TRAPPC2B: variants seen among roughly 807,000 people sequenced by gnomAD.
TRAPPC2B encodes trafficking protein particle complex subunit 2B, also known as MBP-1 interacting protein-2A.
Under a neutral mutation model 8.4 loss-of-function variants are expected in TRAPPC2B, and 5 were observed. The observed-to-expected ratio is 0.59, with a 90% CI of 0.31 to 1.25. TRAPPC2B has a LOEUF of 1.25. TRAPPC2B is among the 50% of genes most tolerant of loss of function. The probability of loss-of-function intolerance (pLI) is 0.06; values close to 1 mark genes in which losing one functional copy is unlikely to be tolerated. For synonymous variants in TRAPPC2B, 46 were observed against 58.1 expected (o/e 0.79, Z 0.95); for missense variants, 161 against 173.2 (o/e 0.93, Z 0.40).
At chr19:57,364,004 T>C (rs1337284212) in intron 1 of TRAPPC2B, 2 of 152,268 alleles carry the variant, frequency 1.3e-5, no homozygotes, top group Non-Finnish European at 1.5e-5. Context: ...GCAGCCGGTA[T>C]AACCATGGAA....
rs1168221491 is a variant in TRAPPC2B at position 57,365,208 on chromosome 19, A to G, written c.375A>G (p.Ala125=). The change falls in exon 2 of 2, where the codon GCA becomes GCG. Residue 125 remains alanine, a synonymous_variant. Transcript: ENST00000543226. ...CCAATTCTCCTATTCGATCAAGTGC[A>G]TTTGACAGAAAAGTTCAGTTTCTTG... The part of the protein sequence containing the change: ...YEPNSPIRSS[A]FDRKVQFLGK... The G allele has an allele frequency of 1.9e-6, 3 of 1,587,480 alleles. No homozygotes were observed. The highest frequency in any genetic ancestry group is 2.3e-5 in the East Asian group (1 of 43,618).
Position 57,364,797 on chromosome 19 carries a change from G to T in TRAPPC2B, c.-19-18G>T, listed in dbSNP as rs1457591349. ...CGGAAACTGACATTGCGTTTCCGTT[G>T]TCGGCCTCCCGCTGCAGGAGCCATA... is the stretch of plus-strand genomic sequence containing the variant. On this transcript the variant is annotated intron_variant, in intron 1 of 1. Coordinates refer to ENST00000543226, the MANE Select transcript of TRAPPC2B (RefSeq NM_001355204.2). The T allele has an allele frequency of 6.5e-7, 1 of 1,535,672 alleles. No homozygotes were observed. The highest frequency in any genetic ancestry group is 1.2e-5 in the South Asian group (1 of 85,864).
At chr19:57,363,939 T>G (rs969211473) in intron 1 of TRAPPC2B, 1 of 152,444 alleles carries the variant, frequency 6.6e-6, no homozygotes, top group Admixed American at 6.5e-5. Context: ...GAGTGTGGGT[T>G]GTTTCTGCGG....
chr19:57,364,697 C>T (rs1291551889), intron 1 of TRAPPC2B, 118 bp from the exon 2 acceptor site: 30 of 724,786 alleles, frequency 4.1e-5, no homozygotes, highest in Admixed American at 1.4e-4. Context: ...GCCAAGATCG[C>T]GCCATTGCAC....
Position 57,364,932 on chromosome 19 carries a change from C to T in TRAPPC2B, c.99C>T (p.Asp33=). The T allele has an allele frequency of 6.2e-7, 1 of 1,612,946 alleles. No individual in the cohort carries two copies. The highest frequency in any genetic ancestry group is 8.5e-7 in the Non-Finnish European group (1 of 1,179,110). Residue 33 remains aspartate (D), a synonymous_variant, in exon 2 of 2, where the codon GAC becomes GAT. Transcript: ENST00000543226. The part of the protein sequence containing the change: ...LPAGKAESKD[D]HRHLNQFIAH... ...CTGGGAAGGCAGAATCCAAAGACGA[C>T]CATCGTCATCTGAACCAGTTCATAG...
At position 57,364,941 on chromosome 19, in the gene TRAPPC2B, T is replaced by G. The variant is rs1467636655; in HGVS notation, c.108T>G (p.His36Gln). ...CAGAATCCAAAGACGACCATCGTCA[T>G]CTGAACCAGTTCATAGCTCATGCTG... The part of the protein sequence containing the change: ...GKAESKDDHR[H>Q]LNQFIAHAAL... The change falls in exon 2 of 2, where the codon CAT becomes CAG. Residue 36 changes from histidine to glutamine, a missense_variant. By Grantham distance (24) the His-to-Gln change is conservative. Coordinates refer to ENST00000543226, the MANE Select transcript of TRAPPC2B (RefSeq NM_001355204.2). The G allele has an allele frequency of 9.3e-6, 15 of 1,613,138 alleles. No individual in the cohort carries two copies. The highest frequency in any genetic ancestry group is 9.3e-6 in the Non-Finnish European group (11 of 1,179,218).
intron 1 of TRAPPC2B, chr19:57,364,603 T>G: frequency 1.7e-6 from 1 of 577,754 alleles, no homozygotes; most frequent in Non-Finnish European, 3.1e-6. Flanking sequence ...TAGCCGGGGG[T>G]GGTGACGCGC....
chr19:57,364,250 A>AT (rs112859190), intron 1 of TRAPPC2B: 10,519 of 147,258 alleles, frequency 0.071, 624 homozygotes, highest in African/African-American at 0.17. Context: ...GTGAAGGGTC[A>AT]TTTTTTTTTT....
At chr19:57,364,603 T>C (rs2088449319) in intron 1 of TRAPPC2B, 5 of 577,640 alleles carry the variant, frequency 8.7e-6, no homozygotes, top group Middle Eastern at 9.0e-4. Flanking sequence ...TAGCCGGGGG[T>C]GGTGACGCGC....
chr19:57,364,312 G>A (rs1221959491), intron 1 of TRAPPC2B: 2 of 155,356 alleles, frequency 1.3e-5, no homozygotes, highest in African/African-American at 4.8e-5. Flanking sequence ...AGCATGAGAA[G>A]TAGGTTTCAT....
At position 57,365,292 on chromosome 19, in the gene TRAPPC2B, A is replaced by G. The variant is rs369482550; in HGVS notation, c.*36A>G. The G allele has an allele frequency of 1.4e-5, 19 of 1,349,652 alleles. No individual in the cohort carries two copies. Among genetic ancestry groups the G allele is most frequent in the African/African-American group, 1.3e-4 (9 of 69,296 alleles). The allele number at this position is 1,349,652 out of a possible 1,614,324, so 83.6% of individuals were successfully genotyped here. Reference sequence around the variant, plus strand: ...TTCCAAAATAAATTATATCACCACAATGGTGTATACTCAGGAATGTGTACA... The same window carrying G: ...TTCCAAAATAAATTATATCACCACAGTGGTGTATACTCAGGAATGTGTACA... On this transcript the variant is annotated 3_prime_UTR_variant, in exon 2 of 2. Coordinates refer to ENST00000543226, the MANE Select transcript of TRAPPC2B (RefSeq NM_001355204.2).
chr19:57,364,756 G>T, intron 1 of TRAPPC2B, 59 bp from the exon 2 acceptor site: 1 of 1,236,280 alleles, frequency 8.1e-7, no homozygotes, highest in Non-Finnish European at 1.1e-6. Context: ...AAGGTGCGGA[G>T]CGCGGGTCTC....
chr19:57,364,023 A>G (rs1320302725), intron 1 of TRAPPC2B: 1 of 152,300 alleles, frequency 6.6e-6, no homozygotes, highest in Non-Finnish European at 1.5e-5. Context: ...AAGGTTGTCA[A>G]GGGAAGACCA....
At position 57,364,997 on chromosome 19, in the gene TRAPPC2B, T is replaced by C. The variant is rs913848165; in HGVS notation, c.164T>C (p.Leu55Pro). The change falls in exon 2 of 2, where the codon CTG (leucine) becomes CCG (proline). Residue 55 changes from leucine (L) to proline (P), a missense_variant. Leu to Pro is a moderately conservative substitution (Grantham distance 98, BLOSUM62 -3). Transcript: ENST00000543226. ...GACCTCGTAGATGAGAACATGTGGC[T>C]GTCGAACAACATGTACTTGAAAACT... ...ALDLVDENMW[L>P]SNNMYLKTVD... 1.2e-6 allele frequency: 2 copies of C among 1,612,974 alleles called. No homozygotes were observed. Among genetic ancestry groups the C allele is most frequent in the Admixed American group, 3.3e-5 (2 of 59,968 alleles).
In TRAPPC2B at chr19:57,365,353, T is replaced by C. The variant is rs1391205275; in HGVS notation, c.*97T>C. ...CTTGATTAAATAGCCTGGAAATCTT[T>C]TGTGTATTCTCAGCTTATCTAAACT... On this transcript the variant is annotated 3_prime_UTR_variant, in exon 2 of 2. Transcript: ENST00000543226. 3 of 856,318 alleles carry C rather than the reference T, an allele frequency of 3.5e-6. No individual in the cohort carries two copies. The African/African-American group carries it at 5.2e-5, about 15-fold the overall frequency. 53.0% of individuals were successfully genotyped at this position (856,318 alleles called of 1,614,324 possible).
intron 1 of TRAPPC2B, 43 bp from the exon 2 acceptor site, chr19:57,364,768 TCCGC>T: frequency 7.3e-7 from 1 of 1,374,276 alleles, no homozygotes; most frequent in Non-Finnish European, 1.0e-6. Flanking sequence ...GCGGGTCTCT[TCCGC>T]GGAAACTGAC....
chr19:57,364,833 C>T lies in TRAPPC2B; in HGVS notation c.-1C>T. On this transcript the variant is annotated 5_prime_UTR_variant, in exon 2 of 2. Coordinates refer to ENST00000543226, the MANE Select transcript of TRAPPC2B (RefSeq NM_001355204.2). Reference sequence around the variant, plus strand: ...GCTGCAGGAGCCATATATTGAAGACCATGTCTGGAAGCTTCTACTTTGTAA... The same window carrying T: ...GCTGCAGGAGCCATATATTGAAGACTATGTCTGGAAGCTTCTACTTTGTAA... The T allele has an allele frequency of 6.2e-7, 1 of 1,603,424 alleles. No homozygotes were observed. Among genetic ancestry groups the T allele is most frequent in the Non-Finnish European group, 8.5e-7 (1 of 1,173,236 alleles).
chr19:57,364,394 A>AG, intron 1 of TRAPPC2B: 1 of 182,828 alleles, frequency 5.5e-6, no homozygotes, highest in East Asian at 1.4e-4. Flanking sequence ...TCACATGGGT[A>AG]GGGGGACAGA....
At position 57,364,905 on chromosome 19, in the gene TRAPPC2B, A is replaced by T; in HGVS notation, c.72A>T (p.Pro24=). ...CAGTTTTTGAAATGGAGTTTTTGCC[A>T]GCTGGGAAGGCAGAATCCAAAGACG... ...DNPVFEMEFL[P]AGKAESKDDH... Residue 24 remains proline (P), a synonymous_variant, in exon 2 of 2, where the codon CCA becomes CCT. Coordinates refer to ENST00000543226, the MANE Select transcript of TRAPPC2B (RefSeq NM_001355204.2). 1 of 1,612,640 alleles carries T rather than the reference A, an allele frequency of 6.2e-7. No individual in the cohort carries two copies. The highest frequency in any genetic ancestry group is 8.5e-7 in the Non-Finnish European group (1 of 1,178,866).
Sources: allele counts gnomAD v4.1 joint callset, GRCh38; gene constraint gnomAD v4.1.1; transcripts MANE v1.5; gene names NCBI Gene and HGNC (gene_info 2026-07-23, HGNC 2026-07-21).